Variants in PPFIBP1 observed in about 807,000 individuals in gnomAD.
PPFIBP1 encodes the protein liprin-beta-1.
Under a neutral mutation model 137.8 loss-of-function variants are expected in PPFIBP1, and 112 were observed. The observed-to-expected ratio is 0.81, with a 90% confidence interval of 0.70 to 0.95. The LOEUF (loss-of-function observed/expected upper bound fraction) is 0.95, where lower values mean the gene tolerates loss of function less well. Ranked by LOEUF, PPFIBP1 falls within the 40% of genes least tolerant of loss-of-function variation. The probability of loss-of-function intolerance (pLI) is 0.00; values close to 1 mark genes in which losing one functional copy is unlikely to be tolerated. For synonymous variants in PPFIBP1, 378 were observed against 417.3 expected (o/e 0.91, Z 1.15); for missense variants, 1,083 against 1,196.6 (o/e 0.91, Z 1.40).
intron 12 of PPFIBP1, among the ~76,000 whole-genome samples, chr12:27,665,677 C>G (rs748900645): frequency 6.6e-6 from 1 of 152,132 alleles, no homozygotes; most frequent in African/African-American, 2.4e-5. Flanking sequence ...GTTATTTGCT[C>G]GCAACGTAAG....
chr12:27,666,368 T>C (rs1328533792), intron 12 of PPFIBP1, among the ~76,000 whole-genome samples: 1 of 148,172 alleles, frequency 6.7e-6, no homozygotes, highest in Non-Finnish European at 1.5e-5. Context: ...AACACTAAAT[T>C]CTAATAGAAT....
At chr12:27,624,152 G>A (rs2056599597) in intron 2 of PPFIBP1, among the ~76,000 whole-genome samples, 1 of 152,102 alleles carries the variant, frequency 6.6e-6, no homozygotes, top group Non-Finnish European at 1.5e-5. Context: ...TTCTAAGGAG[G>A]GCATGTCTTT....
rs559324358 is a variant in PPFIBP1 at position 27,607,196 on chromosome 12, C to T, written c.-35-26166C>T. 1.1e-4 allele frequency among the ~76,000 whole-genome samples: 17 copies of T among 152,300 alleles called. No homozygotes were observed. The South Asian group carries it at 3.5e-3, about 32-fold the overall frequency. ...AATTTCTTTGTCATGAACATGCTAACGTAACTTACAAGGTGGTATGCTGGG... is the reference window on the plus strand; with the variant it reads ...AATTTCTTTGTCATGAACATGCTAATGTAACTTACAAGGTGGTATGCTGGG... On this transcript the variant is annotated intron_variant, in intron 2 of 29. Transcript: ENST00000228425.
At chr12:27,573,921 G>A (rs1009893807) in intron 1 of PPFIBP1, among the ~76,000 whole-genome samples, 10 of 151,478 alleles carry the variant, frequency 6.6e-5, no homozygotes, top group African/African-American at 2.4e-4. Flanking sequence ...TTTCGAGGCT[G>A]TAGTGAGTTG....
At chr12:27,573,709 G>A (rs2050324127) in intron 1 of PPFIBP1, among the ~76,000 whole-genome samples, 1 of 152,226 alleles carries the variant, frequency 6.6e-6, no homozygotes, top group South Asian at 2.1e-4. Context: ...GCCGGCGGGT[G>A]CAGTGGCCCA....
In PPFIBP1 at chr12:27,682,708, G is replaced by A. The variant is rs1423759062; in HGVS notation, c.2247+5G>A. 44 of 1,613,996 alleles carry A rather than the reference G, an allele frequency of 2.7e-5. No homozygotes were observed. The highest frequency in any genetic ancestry group is 3.6e-5 in the Non-Finnish European group (43 of 1,180,026). On this transcript the variant is annotated splice_donor_5th_base_variant and intron_variant, in intron 24 of 29. Coordinates refer to ENST00000228425, the MANE Select transcript of PPFIBP1 (RefSeq NM_003622.4). ...ATGCTACATTACATGACTGTTGTAA[G>A]TGACTCACTCCTGGGGTTTGGGGGA...
chr12:27,622,302 G>C (rs2056418098), intron 2 of PPFIBP1, among the ~76,000 whole-genome samples: 1 of 151,888 alleles, frequency 6.6e-6, no homozygotes, highest in African/African-American at 2.4e-5. Flanking sequence ...CCATCTCTTG[G>C]GAAAGACCAT....
At chr12:27,536,640 T>A (rs1442612584) in intron 1 of PPFIBP1, among the ~76,000 whole-genome samples, 1 of 152,224 alleles carries the variant, frequency 6.6e-6, no homozygotes, top group Non-Finnish European at 1.5e-5. Flanking sequence ...AGTGGGAATC[T>A]CATTTCAACA....
At chr12:27,601,068 C>T (rs1311871914) in intron 2 of PPFIBP1, among the ~76,000 whole-genome samples, 1 of 152,134 alleles carries the variant, frequency 6.6e-6, no homozygotes, top group Non-Finnish European at 1.5e-5. Flanking sequence ...CAGACTTATT[C>T]CTCTTGTCTA....
chr12:27,595,802 G>A (rs1207116622), intron 2 of PPFIBP1, among the ~76,000 whole-genome samples: 2 of 150,736 alleles, frequency 1.3e-5, no homozygotes, highest in Admixed American at 6.6e-5. Flanking sequence ...TGCGGTGAGC[G>A]GAGATAGCGC....
chr12:27,556,516 T>G (rs2136287592), intron 1 of PPFIBP1, among the ~76,000 whole-genome samples: 1 of 152,178 alleles, frequency 6.6e-6, no homozygotes, highest in East Asian at 1.9e-4. Flanking sequence ...TGATATGAAG[T>G]TGGGTTTATA....
At chr12:27,633,257 C>T in intron 2 of PPFIBP1, 105 bp from the exon 3 acceptor site, 1 of 744,906 alleles carries the variant, frequency 1.3e-6, no homozygotes, top group Non-Finnish European at 2.2e-6. Context: ...AGTTCTTCTT[C>T]CATATTTGAC....
chr12:27,629,396 G>A (rs1165395164), intron 2 of PPFIBP1, among the ~76,000 whole-genome samples: 3 of 152,070 alleles, frequency 2.0e-5, no homozygotes, highest in Non-Finnish European at 4.4e-5. Context: ...AATTCCACTG[G>A]TGTCTCCTTT....
At chr12:27,541,064 C>G (rs1398923589) in intron 1 of PPFIBP1, among the ~76,000 whole-genome samples, 1 of 152,098 alleles carries the variant, frequency 6.6e-6, no homozygotes, top group Non-Finnish European at 1.5e-5. Context: ...TTGCGGTTCT[C>G]CAACTTTCCT....
intron 27 of PPFIBP1, among the ~76,000 whole-genome samples, chr12:27,691,295 G>A (rs2061526380): frequency 6.6e-6 from 1 of 151,840 alleles, no homozygotes. Flanking sequence ...AAACTATGAA[G>A]CCAGGTGCAG....
intron 1 of PPFIBP1, among the ~76,000 whole-genome samples, chr12:27,558,868 ATTTATT>A (rs2048929100): frequency 1.3e-5 from 2 of 151,434 alleles, no homozygotes; most frequent in Admixed American, 1.3e-4. Context: ...TTTTCTTTTT[ATTTATT>A]TTTATAGAGG....
chr12:27,554,779 T>C (rs1450328769), intron 1 of PPFIBP1, among the ~76,000 whole-genome samples: 1 of 152,076 alleles, frequency 6.6e-6, no homozygotes, highest in Non-Finnish European at 1.5e-5. Context: ...AGTCTTGTGC[T>C]TGACTCCATA....
chr12:27,692,462 A>G, intron 28 of PPFIBP1, 129 bp from the exon 29 acceptor site: 1 of 803,128 alleles, frequency 1.2e-6, no homozygotes, highest in Non-Finnish European at 2.1e-6. Flanking sequence ...TTATCACCAG[A>G]AGTGTTCTGT....
chr12:27,574,253 A>G (rs2050379737), intron 1 of PPFIBP1, among the ~76,000 whole-genome samples: 3 of 152,098 alleles, frequency 2.0e-5, no homozygotes. Flanking sequence ...TCTTTTTGCC[A>G]GGCTATGAGA....
Sources: allele counts gnomAD v4.1 joint callset (sites outside exome capture counted in the v4.1 genomes callset), GRCh38; gene constraint gnomAD v4.1.1; transcripts MANE v1.5; gene names NCBI Gene and HGNC (gene_info 2026-07-23, HGNC 2026-07-21).